KLHL3: variants seen among roughly 807,000 people sequenced by gnomAD.
KLHL3 encodes the protein kelch-like protein 3.
KLHL3 carries 19 observed loss-of-function variants against 70.5 expected under a neutral mutation model. That is an observed-to-expected ratio of 0.27 (90% confidence interval 0.19 to 0.40). KLHL3 has a LOEUF of 0.40. KLHL3 is among the 10% of genes least tolerant of loss of function. The probability of loss-of-function intolerance (pLI) is 1.00; values close to 1 mark genes in which losing one functional copy is unlikely to be tolerated. For missense variants in KLHL3, 512 were observed against 771.1 expected, an observed-to-expected ratio of 0.66 and a Z score of 3.98; for synonymous variants, 258 against 290.3, an observed-to-expected ratio of 0.89 and a Z score of 1.13.
At chr5:137,675,445 TTGAG>T (rs1177992131) in intron 6 of KLHL3, among the ~76,000 whole-genome samples, 2 of 152,194 alleles carry the variant, frequency 1.3e-5, no homozygotes, top group African/African-American at 4.8e-5. Flanking sequence ...CTGCCATTTA[TTGAG>T]TGCCTGCCAA....
In KLHL3 at chr5:137,731,462, T is replaced by A. The variant is rs577977332; in HGVS notation, c.14+4171A>T. Among the ~76,000 whole-genome samples, 3 of 152,310 alleles carry A rather than the reference T, an allele frequency of 2.0e-5. No individual in the cohort carries two copies. The East Asian group carries it at 5.8e-4, about 29-fold the overall frequency. On this transcript the variant is annotated intron_variant, in intron 1 of 14. Transcript: ENST00000309755. ...GGTCTTGCCAGCATTCAACCTGACA[T>A]TACAAAACTCAACATTTAAAGTGTA...
chr5:137,694,702 C>A (rs1752405051), intron 4 of KLHL3, among the ~76,000 whole-genome samples: 1 of 152,220 alleles, frequency 6.6e-6, no homozygotes. Context: ...GTTGACCAAT[C>A]ATGCTGATTT....
In KLHL3 at chr5:137,658,199, G is replaced by A. The variant is rs765162156; in HGVS notation, c.835C>T (p.Pro279Ser). The stretch of plus-strand genomic sequence containing the variant: ...TTAATCAATAGTCTCTGATCCAGAG[G>A]GAGGAGATGGTATTTCATGGCCTCA... ...LIEAMKYHLL[P>S]LDQRLLIKNP... The change falls in exon 8 of 15, where the codon CCT becomes TCT. Residue 279 changes from proline to serine, a missense_variant. Pro to Ser is a moderately conservative substitution (Grantham distance 74). Transcript: ENST00000309755. 6.2e-7 allele frequency: 1 copy of A among 1,613,694 alleles called. No individual in the cohort carries two copies. The highest frequency in any genetic ancestry group is 1.1e-5 in the South Asian group (1 of 91,054).
chr5:137,702,918 C>T (rs945846375), intron 3 of KLHL3, among the ~76,000 whole-genome samples: 3 of 152,102 alleles, frequency 2.0e-5, no homozygotes, highest in African/African-American at 4.8e-5. Context: ...ACTATGTGCA[C>T]AGCTGAGACC....
chr5:137,685,202 C>A (rs1285648403), intron 5 of KLHL3, among the ~76,000 whole-genome samples: 1 of 152,146 alleles, frequency 6.6e-6, no homozygotes, highest in East Asian at 1.9e-4. Flanking sequence ...TAAGATTGTA[C>A]CCTACAGGTA....
chr5:137,621,849 A>G lies in KLHL3; in HGVS notation c.*249T>C. On this transcript the variant is annotated 3_prime_UTR_variant, in exon 15 of 15. Coordinates refer to ENST00000309755, the MANE Select transcript of KLHL3 (RefSeq NM_017415.3). ...TGTAGAAACACCAAAACAAAGCCCAAAGGTGCTGCCTGGGGATGTCAAGAC... is the reference window on the plus strand; with the variant it reads ...TGTAGAAACACCAAAACAAAGCCCAGAGGTGCTGCCTGGGGATGTCAAGAC... The G allele has an allele frequency of 1.8e-6, 1 of 569,982 alleles. No individual in the cohort carries two copies. Among genetic ancestry groups the G allele is most frequent in the East Asian group, 2.9e-5 (1 of 34,894 alleles). The allele number at this position is 569,982 out of a possible 1,614,324, so 35.3% of individuals were successfully genotyped here.
intron 6 of KLHL3, among the ~76,000 whole-genome samples, chr5:137,673,292 T>C (rs1299448291): frequency 3.3e-5 from 5 of 152,206 alleles, no homozygotes; most frequent in Admixed American, 3.3e-4. Context: ...CTGTCCAGCC[T>C]GCCACCACTG....
At chr5:137,735,423 C>T (rs75424001) in intron 1 of KLHL3, among the ~76,000 whole-genome samples, 1 of 152,192 alleles carries the variant, frequency 6.6e-6, no homozygotes, top group Non-Finnish European at 1.5e-5. Flanking sequence ...CCTGCCTTTG[C>T]GGAAGCCAGA....
intron 8 of KLHL3, among the ~76,000 whole-genome samples, chr5:137,650,594 T>C (rs1986054): frequency 0.26 from 40,176 of 151,906 alleles, 5,703 homozygotes; most frequent in East Asian, 0.57. Flanking sequence ...CTGAGGAAGG[T>C]GGATCACCAG....
rs183386201 is a variant in KLHL3, at chr5:137,703,412, C to A, written c.242-5004G>T. On this transcript the variant is annotated intron_variant, in intron 3 of 14. Transcript: ENST00000309755. ...ATTTGGCTAGAGCTGAGCACTAAGG[C>A]CAAAGACATTAACCTCACAGGAGAA... 2.4e-4 allele frequency among the ~76,000 whole-genome samples: 36 copies of A among 152,318 alleles called. 1 individual carries two copies. The East Asian group carries it at 3.5e-3, about 15-fold the overall frequency.
rs1474112691 is a variant in KLHL3 at position 137,658,111 on chromosome 5, G to A, written c.903+20C>T. 2 of 1,603,378 alleles carry A rather than the reference G, an allele frequency of 1.2e-6. No individual in the cohort carries two copies. Among genetic ancestry groups the A allele is most frequent in the Non-Finnish European group, 1.7e-6 (2 of 1,177,048 alleles). On this transcript the variant is annotated intron_variant, in intron 8 of 14. Coordinates refer to ENST00000309755, the MANE Select transcript of KLHL3 (RefSeq NM_017415.3). Reference sequence around the variant, plus strand: ...CAGGGCACAGTCCTGACTCTTGGTGGTGATTGGGCTGGGGCTTACCTTGGG... The same window carrying A: ...CAGGGCACAGTCCTGACTCTTGGTGATGATTGGGCTGGGGCTTACCTTGGG...
intron 1 of KLHL3, 86 bp downstream of exon 1, chr5:137,735,547 T>G: frequency 9.4e-7 from 1 of 1,066,306 alleles, no homozygotes; most frequent in Non-Finnish European, 1.5e-6. Context: ...GCCTAGCCAA[T>G]GCAAACACAA....
chr5:137,638,543 T>A (rs1307134254), intron 10 of KLHL3, among the ~76,000 whole-genome samples: 1 of 152,018 alleles, frequency 6.6e-6, no homozygotes, highest in Non-Finnish European at 1.5e-5. Flanking sequence ...ACAGAAAAAA[T>A]GGGCAGCCTG....
intron 6 of KLHL3, among the ~76,000 whole-genome samples, chr5:137,664,769 A>G (rs1304982882): frequency 6.6e-6 from 1 of 152,060 alleles, no homozygotes; most frequent in Non-Finnish European, 1.5e-5. Context: ...AGTGAGCTGT[A>G]ACCATGCCAC....
In KLHL3 at chr5:137,720,975, C is replaced by T. The variant is rs1221538983; in HGVS notation, c.15-391G>A. On this transcript the variant is annotated intron_variant, in intron 1 of 14. Coordinates refer to ENST00000309755, the MANE Select transcript of KLHL3 (RefSeq NM_017415.3). ...GCACTGCGTTTAGATTTAAGGGAAA[C>T]AAAACAATAGGCAAAGCCACCATCA... is the stretch of plus-strand genomic sequence containing the variant. 1.7e-5 allele frequency: 12 copies of T among 720,226 alleles called. No individual in the cohort carries two copies. The African/African-American group carries it at 2.3e-4, about 14-fold the overall frequency. The allele number at this position is 720,226 out of a possible 1,614,324, so 44.6% of individuals were successfully genotyped here.
chr5:137,658,297 A>T lies in KLHL3; in HGVS notation c.754-17T>A. The T allele has an allele frequency of 6.2e-7, 1 of 1,613,612 alleles. No individual in the cohort carries two copies. The highest frequency in any genetic ancestry group is 8.5e-7 in the Non-Finnish European group (1 of 1,179,658). Reference sequence around the variant, plus strand: ...TTCAACCGTCTAGAGGTAATAATCCACAGATGATCCTGGAGCACAGCTCAG... The same window carrying T: ...TTCAACCGTCTAGAGGTAATAATCCTCAGATGATCCTGGAGCACAGCTCAG... On this transcript the variant is annotated splice_polypyrimidine_tract_variant and intron_variant, in intron 7 of 14. Transcript: ENST00000309755.
Position 137,621,064 on chromosome 5 carries a change from G to A in KLHL3, c.*1034C>T, listed in dbSNP as rs886059951. ...AGGGTGACCTCTTATTTATCCTCCA[G>A]ACCAGAACACTTCTGAGTAAAATGG... is the stretch of plus-strand genomic sequence containing the variant. On this transcript the variant is annotated 3_prime_UTR_variant, in exon 15 of 15. Transcript: ENST00000309755. The A allele has an allele frequency of 1.3e-5, 2 of 152,458 alleles. No homozygotes were observed. The highest frequency in any genetic ancestry group is 2.9e-5 in the Non-Finnish European group (2 of 68,038). The allele number at this position is 152,458 out of a possible 1,614,324, so 9.4% of individuals were successfully genotyped here. A position where few individuals can be genotyped will look rare whatever the true frequency, so the allele number is the denominator to read the frequency against.
chr5:137,718,109 C>T (rs1390237433), intron 2 of KLHL3, among the ~76,000 whole-genome samples: 1 of 152,196 alleles, frequency 6.6e-6, no homozygotes, highest in Non-Finnish European at 1.5e-5. Flanking sequence ...CAGTATATAG[C>T]ATTCTTCAAA....
At chr5:137,677,959 A>G (rs1047759140) in intron 5 of KLHL3, among the ~76,000 whole-genome samples, 2 of 152,180 alleles carry the variant, frequency 1.3e-5, no homozygotes, top group African/African-American at 4.8e-5. Flanking sequence ...CACTGCAGAA[A>G]AGCCTCACTG....
Sources: gnomAD v4.1 joint callset for allele counts (sites outside exome capture counted in the v4.1 genomes callset) on GRCh38, gnomAD v4.1.1 for gene constraint, MANE v1.5 for transcripts, NCBI Gene and HGNC (gene_info 2026-07-23, HGNC 2026-07-21) for gene names.